The following ITGA9 variants were observed in gnomAD, a reference collection of about 807,000 sequenced individuals.
ITGA9 encodes integrin alpha-9.
In ITGA9, 56 loss-of-function variants were observed where a neutral mutation model predicts 127.8. The ratio of observed to expected loss-of-function variants is 0.44; its 90% CI spans 0.35 to 0.55. The LOEUF (loss-of-function observed/expected upper bound fraction) is 0.55, where lower values mean the gene tolerates loss of function less well. Among genes scored for constraint, ITGA9 ranks in the 20% least tolerant of loss-of-function variants. The pLI is 0.00. For missense variants in ITGA9, 1,196 were observed against 1,347.1 expected (o/e 0.89, Z 1.76); for synonymous variants, 508 against 514.5 (o/e 0.99, Z 0.17).
At chr3:37,552,001 T>C (rs1699382846) in intron 15 of ITGA9, among the ~76,000 whole-genome samples, 1 of 152,238 alleles carries the variant, frequency 6.6e-6, no homozygotes, top group Non-Finnish European at 1.5e-5. Flanking sequence ...GTGAGTGGCT[T>C]TCAAGGCAAG....
Position 37,632,001 on chromosome 3 carries a change from C to G in ITGA9, c.1839+2665C>G, listed in dbSNP as rs189751452. Among the ~76,000 whole-genome samples, 299 of 152,302 alleles carry G rather than the reference C, an allele frequency of 2.0e-3. 3 individuals are homozygous for G. Among genetic ancestry groups the G allele is most frequent in the African/African-American group, 7.0e-3 (290 of 41,564 alleles). On this transcript the variant is annotated intron_variant, in intron 16 of 27. Coordinates refer to ENST00000264741, the MANE Select transcript of ITGA9 (RefSeq NM_002207.3). ...ACGTAAGAGCTAGCTTTCTCTCCCA[C>G]AATCCACCCAAACACTTTCACAGAT... is the stretch of plus-strand genomic sequence containing the variant.
intron 16 of ITGA9, among the ~76,000 whole-genome samples, chr3:37,636,904 G>T (rs1160845861): frequency 2.0e-5 from 3 of 151,758 alleles, no homozygotes; most frequent in Admixed American, 6.6e-5. Flanking sequence ...TTTCCCCATT[G>T]CTTGTTTTTG....
At chr3:37,706,853 C>T (rs1701011176) in intron 18 of ITGA9, among the ~76,000 whole-genome samples, 1 of 152,160 alleles carries the variant, frequency 6.6e-6, no homozygotes, top group African/African-American at 2.4e-5. Context: ...GCATCAGTAG[C>T]TCTTCTCATG....
At chr3:37,752,025 A>G (rs1696592340) in intron 23 of ITGA9, among the ~76,000 whole-genome samples, 1 of 152,166 alleles carries the variant, frequency 6.6e-6, no homozygotes, top group African/African-American at 2.4e-5. Context: ...CAGAATGACA[A>G]CAAGAGTAGA....
intron 19 of ITGA9, among the ~76,000 whole-genome samples, chr3:37,733,609 C>T (rs1017101417): frequency 2.7e-5 from 4 of 148,556 alleles, no homozygotes; most frequent in Non-Finnish European, 4.5e-5. Flanking sequence ...CTCCAAGGCT[C>T]TTTGGTCCCA....
At chr3:37,545,074 C>T (rs949820658) in intron 15 of ITGA9, among the ~76,000 whole-genome samples, 1 of 152,092 alleles carries the variant, frequency 6.6e-6, no homozygotes, top group Non-Finnish European at 1.5e-5. Flanking sequence ...AGGCAGGAAG[C>T]AAGGATGAGG....
chr3:37,720,402 G>T (rs1010257730), intron 18 of ITGA9, among the ~76,000 whole-genome samples: 1 of 152,120 alleles, frequency 6.6e-6, no homozygotes, highest in African/African-American at 2.4e-5. Context: ...GTCCCCACTT[G>T]TTGAGTTTTC....
intron 15 of ITGA9, among the ~76,000 whole-genome samples, chr3:37,560,096 C>T (rs535402909): frequency 9.9e-4 from 150 of 151,822 alleles, no homozygotes; most frequent in Non-Finnish European, 2.0e-3. Context: ...TGCTATCCCT[C>T]CCCCAGCCCG....
chr3:37,800,049 A>G (rs1486874150), intron 26 of ITGA9, among the ~76,000 whole-genome samples: 1 of 152,212 alleles, frequency 6.6e-6, no homozygotes, highest in East Asian at 1.9e-4. Context: ...CACGCATCCA[A>G]GGGGATGAAC....
chr3:37,646,932 A>T (rs181045764), intron 16 of ITGA9, among the ~76,000 whole-genome samples: 2 of 151,664 alleles, frequency 1.3e-5, no homozygotes, highest in African/African-American at 4.8e-5. Flanking sequence ...TTGAAACTGC[A>T]TTGTCATCTA....
intron 18 of ITGA9, among the ~76,000 whole-genome samples, chr3:37,690,634 G>A (rs1455514784): frequency 3.3e-5 from 5 of 152,154 alleles, no homozygotes; most frequent in Non-Finnish European, 7.3e-5. Context: ...TGACTTTTGG[G>A]TGCAAACAGG....
At chr3:37,754,756 G>A (rs9835289) in intron 23 of ITGA9, among the ~76,000 whole-genome samples, 105 of 152,278 alleles carry the variant, frequency 6.9e-4, no homozygotes, top group African/African-American at 2.3e-3. Flanking sequence ...TTAGTAAACT[G>A]TAAAATCTTC....
chr3:37,623,416 C>T (rs1700145364), intron 15 of ITGA9, among the ~76,000 whole-genome samples: 1 of 152,134 alleles, frequency 6.6e-6, no homozygotes, highest in African/African-American at 2.4e-5. Flanking sequence ...AGCTTTTTAG[C>T]CACTGCTTCA....
At chr3:37,664,012 T>C (rs754805235) in intron 17 of ITGA9, among the ~76,000 whole-genome samples, 2 of 152,228 alleles carry the variant, frequency 1.3e-5, no homozygotes, top group African/African-American at 2.4e-5. Flanking sequence ...ATAAATATTC[T>C]TATACTCTTT....
intron 23 of ITGA9, among the ~76,000 whole-genome samples, chr3:37,766,408 T>C (rs1289094764): frequency 6.6e-6 from 1 of 152,234 alleles, no homozygotes; most frequent in East Asian, 1.9e-4. Context: ...TGAAGGACAC[T>C]GAGGTTTCAC....
chr3:37,461,643 G>C (rs1215145276), intron 1 of ITGA9, among the ~76,000 whole-genome samples: 1 of 152,174 alleles, frequency 6.6e-6, no homozygotes. Flanking sequence ...ACACTGAAAT[G>C]AATGAGATAT....
intron 15 of ITGA9, among the ~76,000 whole-genome samples, chr3:37,584,584 A>C (rs1022248863): frequency 6.6e-6 from 1 of 151,964 alleles, no homozygotes; most frequent in African/African-American, 2.4e-5. Context: ...ATGAAACCCC[A>C]TCTCTACTAA....
At chr3:37,647,199 T>C (rs940438731) in intron 16 of ITGA9, among the ~76,000 whole-genome samples, 1 of 152,160 alleles carries the variant, frequency 6.6e-6, no homozygotes. Context: ...GGGATTGGAT[T>C]GTGCAGCCCA....
chr3:37,752,938 C>T (rs1276942436), intron 23 of ITGA9, among the ~76,000 whole-genome samples: 1 of 152,194 alleles, frequency 6.6e-6, no homozygotes, highest in African/African-American at 2.4e-5. Flanking sequence ...TAGCTAATGT[C>T]TCTGAGCCCC....
Sources: allele counts gnomAD v4.1 joint callset (sites outside exome capture counted in the v4.1 genomes callset), GRCh38; gene constraint gnomAD v4.1.1; transcripts MANE v1.5; gene names NCBI Gene and HGNC (gene_info 2026-07-23, HGNC 2026-07-21).